C12orf56: variants seen among roughly 807,000 people sequenced by gnomAD.
The protein encoded by C12orf56 is chromosome 12 open reading frame 56, also known as uncharacterized protein C12orf56.
C12orf56 carries 71 observed loss-of-function variants against 69.9 expected under a neutral mutation model. The observed-to-expected ratio is 1.02, with a 90% CI of 0.84 to 1.24. The LOEUF (loss-of-function observed/expected upper bound fraction) is 1.24, where lower values mean the gene tolerates loss of function less well. C12orf56 is among the 50% of genes most tolerant of loss of function. The pLI is 0.00. For missense variants in C12orf56, 732 were observed against 738.5 expected (o/e 0.99, Z 0.10); for synonymous variants, 276 against 274.1 (o/e 1.01, Z -0.07).
At chr12:64,316,199 A>G (rs1413209947) in intron 4 of C12orf56, among the ~76,000 whole-genome samples, 1 of 151,960 alleles carries the variant, frequency 6.6e-6, no homozygotes, top group East Asian at 1.9e-4. Context: ...TCCGCCTCCC[A>G]GGCTTAAGTA....
At chr12:64,380,911 A>G (rs974774010) in intron 1 of C12orf56, among the ~76,000 whole-genome samples, 1 of 152,164 alleles carries the variant, frequency 6.6e-6, no homozygotes, top group Non-Finnish European at 1.5e-5. Flanking sequence ...GCATGTTATA[A>G]TTTAATTTAT....
intron 9 of C12orf56, among the ~76,000 whole-genome samples, chr12:64,276,423 C>T (rs902580895): frequency 6.6e-6 from 1 of 152,198 alleles, no homozygotes; most frequent in Non-Finnish European, 1.5e-5. Context: ...TGGCCAATAT[C>T]TTTCCTTACC....
chr12:64,310,394 T>A (rs1300785907), intron 5 of C12orf56, among the ~76,000 whole-genome samples: 2 of 152,214 alleles, frequency 1.3e-5, no homozygotes, highest in African/African-American at 2.4e-5. Context: ...AAATTGTAAT[T>A]TTCTAATTCT....
intron 2 of C12orf56, among the ~76,000 whole-genome samples, chr12:64,343,877 C>T (rs1421916430): frequency 2.6e-5 from 4 of 152,210 alleles, no homozygotes; most frequent in Admixed American, 6.5e-5. Flanking sequence ...AGCCCTCAAT[C>T]TACCAGCCAA....
chr12:64,353,833 G>T (rs182779436), intron 1 of C12orf56, among the ~76,000 whole-genome samples: 3 of 151,906 alleles, frequency 2.0e-5, no homozygotes, highest in Non-Finnish European at 4.4e-5. Context: ...AGGCACCTGC[G>T]ATCACGCCCA....
chr12:64,293,095 G>T (rs2136783641), intron 6 of C12orf56, among the ~76,000 whole-genome samples: 1 of 152,244 alleles, frequency 6.6e-6, no homozygotes, highest in African/African-American at 2.4e-5. Context: ...GCAGTATTCG[G>T]GTGGGAGTGA....
rs1385431658 is a variant in C12orf56, at chr12:64,308,950, AG to A, written c.968+3728del. Among the ~76,000 whole-genome samples, 231 of 111,326 alleles carry A rather than the reference AG, an allele frequency of 2.1e-3. 8 individuals carry two copies. Among genetic ancestry groups the A allele is most frequent in the South Asian group, 5.7e-3 (19 of 3,354 alleles). The allele number at this position is 111,326 out of a possible 152,430, so 73.0% of individuals were successfully genotyped here. On this transcript the variant is annotated intron_variant, in intron 5 of 12. Coordinates refer to ENST00000543942, the MANE Select transcript of C12orf56 (RefSeq NM_001170633.2). ...AAAGAAAGAAAGAAAGAAGAAAGAA[AG>A]AAAGAAAGAAAGAAAGAAAGAAAAG...
chr12:64,377,561 G>C (rs1291046871), intron 1 of C12orf56, among the ~76,000 whole-genome samples: 1 of 152,104 alleles, frequency 6.6e-6, no homozygotes, highest in Non-Finnish European at 1.5e-5. Context: ...ATGCAAAGGA[G>C]TACCTCTTAT....
rs1404734366 is a variant in C12orf56 at position 64,266,925 on chromosome 12, G to A, written c.*258C>T. 3 of 393,596 alleles carry A rather than the reference G, an allele frequency of 7.6e-6. No homozygotes were observed. Among genetic ancestry groups the A allele is most frequent in the Non-Finnish European group, 1.3e-5 (3 of 226,224 alleles). 24.4% of individuals were successfully genotyped at this position (393,596 alleles called of 1,614,324 possible). On this transcript the variant is annotated 3_prime_UTR_variant, in exon 13 of 13. Transcript: ENST00000543942. ...ATTTTGTGGCAAGAGTGAGTTTGAA[G>A]AACTACTCTAATAAAGAAATGGCTC...
intron 5 of C12orf56, among the ~76,000 whole-genome samples, chr12:64,311,860 G>C (rs1290238935): frequency 6.6e-6 from 1 of 152,212 alleles, no homozygotes; most frequent in Non-Finnish European, 1.5e-5. Flanking sequence ...TTGTAATGGA[G>C]AATGGGCTGG....
At chr12:64,331,681 C>T (rs2038931991) in intron 2 of C12orf56, among the ~76,000 whole-genome samples, 1 of 152,106 alleles carries the variant, frequency 6.6e-6, no homozygotes, top group African/African-American at 2.4e-5. Context: ...GCCATGTGAG[C>T]ATGCAGCAAG....
At chr12:64,354,486 T>C (rs1354988733) in intron 1 of C12orf56, among the ~76,000 whole-genome samples, 1 of 152,016 alleles carries the variant, frequency 6.6e-6, no homozygotes. Context: ...AGATGGAGTC[T>C]TGCTCTTGTT....
intron 1 of C12orf56, among the ~76,000 whole-genome samples, chr12:64,383,373 A>C (rs2039746585): frequency 1.3e-5 from 2 of 151,896 alleles, no homozygotes; most frequent in African/African-American, 4.8e-5. Context: ...CCTGATTACA[A>C]ATGAGAGAAC....
At chr12:64,292,691 A>T (rs2038305087) in intron 6 of C12orf56, among the ~76,000 whole-genome samples, 3 of 21,810 alleles carry the variant, frequency 1.4e-4, no homozygotes, top group Admixed American at 6.3e-4. Context: ...GACCCACTTG[A>T]GGAGGCAGTC....
chr12:64,387,605 T>G (rs1484179370), intron 1 of C12orf56, among the ~76,000 whole-genome samples: 1 of 152,032 alleles, frequency 6.6e-6, no homozygotes, highest in African/African-American at 2.4e-5. Flanking sequence ...GGTGGATCGT[T>G]TAAGCCCAGC....
chr12:64,297,190 TA>T (rs911956167), intron 6 of C12orf56, among the ~76,000 whole-genome samples: 48 of 152,214 alleles, frequency 3.2e-4, no homozygotes, highest in African/African-American at 1.1e-3. Flanking sequence ...ACAATTTAAA[TA>T]AAAAAATCTT....
intron 1 of C12orf56, among the ~76,000 whole-genome samples, chr12:64,371,603 G>A (rs1350898024): frequency 6.6e-6 from 1 of 152,054 alleles, no homozygotes; most frequent in African/African-American, 2.4e-5. Context: ...GGCCGAGGCA[G>A]GTGGATCATC....
chr12:64,356,170 C>G (rs1400001899), intron 1 of C12orf56, among the ~76,000 whole-genome samples: 1 of 48,432 alleles, frequency 2.1e-5, no homozygotes, highest in Non-Finnish European at 3.9e-5. Context: ...GACTCCATCT[C>G]AAAAAAAAAA....
chr12:64,328,970 CA>C (rs1455501060), intron 3 of C12orf56, among the ~76,000 whole-genome samples: 2 of 150,970 alleles, frequency 1.3e-5, no homozygotes, highest in Non-Finnish European at 2.9e-5. Context: ...GAAGCTGAAG[CA>C]GGAAAGTCGC....
Sources: gnomAD v4.1 joint callset for allele counts (sites outside exome capture counted in the v4.1 genomes callset) on GRCh38, gnomAD v4.1.1 for gene constraint, MANE v1.5 for transcripts, NCBI Gene and HGNC (gene_info 2026-07-23, HGNC 2026-07-21) for gene names.